DEPDC1: variants seen among roughly 807,000 people sequenced by gnomAD.
DEPDC1 encodes the protein DEP domain containing 1.
Under a neutral mutation model 86.8 loss-of-function variants are expected in DEPDC1, and 66 were observed. That is an observed-to-expected ratio of 0.76 (90% CI 0.62 to 0.93). The LOEUF is 0.93. DEPDC1 is among the 40% of genes least tolerant of loss of function. The probability of loss-of-function intolerance (pLI) is 0.00; values close to 1 mark genes in which losing one functional copy is unlikely to be tolerated. For synonymous variants in DEPDC1, 255 were observed against 314.9 expected (o/e 0.81, Z 2.02); for missense variants, 792 against 935.7 (o/e 0.85, Z 2.00).
chr1:68,478,446 AT>A (rs34245196), intron 10 of DEPDC1, among the ~76,000 whole-genome samples: 57,993 of 146,160 alleles, frequency 0.4, 11,722 homozygotes, highest in Middle Eastern at 0.62. Flanking sequence ...GTTTTCATGT[AT>A]TTTTTTTTTT....
chr1:68,497,047 AG>A lies in DEPDC1; in HGVS notation c.-49del, dbSNP rs3216768. ...GTCCATGGCGGCGAAGGCGACACTC[AG>A]GCCCAGCGGCCGCGGCAGTGGCGAG... On this transcript the variant is annotated 5_prime_UTR_variant, in exon 1 of 12. Coordinates refer to ENST00000456315, the MANE Select transcript of DEPDC1 (RefSeq NM_001114120.3). The A allele has an allele frequency of 2.6e-4, 417 of 1,601,828 alleles. 3 individuals are homozygous for A. In the East Asian group the frequency reaches 8.6e-3, roughly 33 times the overall value.
rs913344933 is a variant in DEPDC1, at chr1:68,495,866, G to T, written c.48+1086C>A. Among the ~76,000 whole-genome samples, 4 of 152,202 alleles carry T rather than the reference G, an allele frequency of 2.6e-5. No individual in the cohort carries two copies. The South Asian group carries it at 6.2e-4, about 24-fold the overall frequency. On this transcript the variant is annotated intron_variant, in intron 1 of 11. Coordinates refer to ENST00000456315, the MANE Select transcript of DEPDC1 (RefSeq NM_001114120.3). ...TGTAATATATGTGAAGTACTAGTAA[G>T]CATTCAGTGCATGTTTTCTTTTTCA...
chr1:68,487,347 C>A (rs1646199906), intron 5 of DEPDC1, among the ~76,000 whole-genome samples: 1 of 151,922 alleles, frequency 6.6e-6, no homozygotes, highest in Non-Finnish European at 1.5e-5. Flanking sequence ...TTCTATTCTG[C>A]CTATTGCTAT....
chr1:68,485,674 G>T (rs1184426012), intron 6 of DEPDC1, among the ~76,000 whole-genome samples: 2 of 152,152 alleles, frequency 1.3e-5, no homozygotes, highest in East Asian at 3.9e-4. Context: ...GCAAAGGAAT[G>T]AAAGAGAGGA....
rs1646100210 is a variant in DEPDC1, at chr1:68,474,279, A to G, written c.*2653T>C. The G allele has an allele frequency of 6.6e-6, 1 of 152,138 alleles. No homozygotes were observed. 9.4% of individuals were successfully genotyped at this position (152,138 alleles called of 1,614,324 possible). A position where few individuals can be genotyped will look rare whatever the true frequency, so the allele number is the denominator to read the frequency against. On this transcript the variant is annotated 3_prime_UTR_variant, in exon 12 of 12. Coordinates refer to ENST00000456315, the MANE Select transcript of DEPDC1 (RefSeq NM_001114120.3). ...AATATATTGCCTTTCTTTCACTACA[A>G]TCACAACTCAGTTAGGTAGATACTT...
chr1:68,496,718 C>T lies in DEPDC1; in HGVS notation c.48+234G>A. ...CTCATAGCGAGTCTGGTGCGGCCTA[C>T]GCGCGGCGCTTCCTTTCGGACCTGA... On this transcript the variant is annotated intron_variant, in intron 1 of 11. Coordinates refer to ENST00000456315, the MANE Select transcript of DEPDC1 (RefSeq NM_001114120.3). The surrounding 1 kb of genome is among the most constrained non-coding windows in gnomAD (Gnocchi z 4.0). 2.2e-6 allele frequency: 1 copy of T among 445,672 alleles called. No homozygotes were observed. Among genetic ancestry groups the T allele is most frequent in the Non-Finnish European group, 4.0e-6 (1 of 249,080 alleles). The allele number at this position is 445,672 out of a possible 1,614,324, so 27.6% of individuals were successfully genotyped here. A position where few individuals can be genotyped will look rare whatever the true frequency, so the allele number is the denominator to read the frequency against.
In DEPDC1 at chr1:68,475,221, A is replaced by G. The variant is rs2100234494; in HGVS notation, c.*1711T>C. On this transcript the variant is annotated 3_prime_UTR_variant, in exon 12 of 12. Transcript: ENST00000456315. ...GAGTTTGTTATTAAAGCATTGTACC[A>G]TGTATTTTGTAATCTCAATTGCATG... 6.6e-6 allele frequency: 1 copy of G among 152,050 alleles called. No individual in the cohort carries two copies. Among genetic ancestry groups the G allele is most frequent in the African/African-American group, 2.4e-5 (1 of 41,536 alleles). 9.4% of individuals were successfully genotyped at this position (152,050 alleles called of 1,614,324 possible).
intron 2 of DEPDC1, 78 bp downstream of exon 2, chr1:68,494,352 G>C (rs571800990): frequency 1.5e-6 from 2 of 1,291,340 alleles, no homozygotes; most frequent in Non-Finnish European, 2.1e-6. Context: ...AGAAGCTGCT[G>C]TTATAGTAAA....
Position 68,479,250 on chromosome 1 carries a change from C to T in DEPDC1, c.2006G>A (p.Gly669Glu). ...EEVDLDELLAGRLVSFLMDHH... is the reference protein window; with the variant it reads ...EEVDLDELLAERLVSFLMDHH... ...ATCCATTAAGAAAGAAACTAATCTT[C>T]CAGCAAGAAGCTCATCAAGATCCAC... The change falls in exon 10 of 12, where the codon GGA (glycine) becomes GAA (glutamate). Residue 669 changes from glycine to glutamate, a missense_variant. Transcript: ENST00000456315. 2 of 1,612,544 alleles carry T rather than the reference C, an allele frequency of 1.2e-6. No homozygotes were observed. Among genetic ancestry groups the T allele is most frequent in the East Asian group, 2.2e-5 (1 of 44,796 alleles).
rs374973337 is a variant in DEPDC1, at chr1:68,482,064, T to C, written c.1744A>G (p.Met582Val). ...SENSLLPASS[M>V]LTGTQSLLQP... Reference sequence around the variant, plus strand: ...GCCTTACTTTGTGTGCCAGTCAACATAGAAGAAGCTGGAAGTAAAGAATTT... The same window carrying C: ...GCCTTACTTTGTGTGCCAGTCAACACAGAAGAAGCTGGAAGTAAAGAATTT... Residue 582 changes from methionine (M) to valine (V), a missense_variant, in exon 8 of 12, where the codon ATG becomes GTG. Coordinates refer to ENST00000456315, the MANE Select transcript of DEPDC1 (RefSeq NM_001114120.3). 383 of 1,597,426 alleles carry C rather than the reference T, an allele frequency of 2.4e-4. 8 individuals carry two copies. In the South Asian group the frequency reaches 4.0e-3, roughly 17 times the overall value.
chr1:68,479,693 C>T (rs1250779500), intron 9 of DEPDC1, among the ~76,000 whole-genome samples: 1 of 151,598 alleles, frequency 6.6e-6, no homozygotes, highest in Non-Finnish European at 1.5e-5. Flanking sequence ...GTTCCAGCTA[C>T]TTGGGAGAGT....
In DEPDC1 at chr1:68,482,026, A is replaced by G. The variant is rs766125125; in HGVS notation, c.1762+20T>C. The stretch of plus-strand genomic sequence containing the variant: ...AACACTCAAAGTTAATATTGCATGC[A>G]TTGAAAGCAACAGCCTTACTTTGTG... On this transcript the variant is annotated intron_variant, in intron 8 of 11. Transcript: ENST00000456315. 1.3e-6 allele frequency: 2 copies of G among 1,546,288 alleles called. No individual in the cohort carries two copies. The highest frequency in any genetic ancestry group is 4.2e-5 in the Admixed American group (2 of 47,102).
chr1:68,489,630 A>C, intron 2 of DEPDC1, 22 bp from the exon 3 acceptor site: 1 of 1,509,064 alleles, frequency 6.6e-7, no homozygotes, highest in Non-Finnish European at 8.8e-7. Context: ...ACAATAAGCA[A>C]TTAAATAATG....
chr1:68,496,635 C>G lies in DEPDC1; in HGVS notation c.48+317G>C, dbSNP rs1646267331. 3.2e-6 allele frequency: 1 copy of G among 313,078 alleles called. No individual in the cohort carries two copies. 19.4% of individuals were successfully genotyped at this position (313,078 alleles called of 1,614,324 possible). ...AATCAGGCGAGGTGAGCGGCCAAAT[C>G]GGAATATTCTAAGACGCCCCCACGG... On this transcript the variant is annotated intron_variant, in intron 1 of 11. Coordinates refer to ENST00000456315, the MANE Select transcript of DEPDC1 (RefSeq NM_001114120.3). This position sits in a 1 kb window ranked among gnomAD's most constrained non-coding sequence, Gnocchi z 4.0.
rs1378844799 is a variant in DEPDC1 at position 68,488,488 on chromosome 1, C to A, written c.607G>T (p.Gly203Cys). The A allele has an allele frequency of 1.9e-6, 3 of 1,604,276 alleles. No homozygotes were observed. The highest frequency in any genetic ancestry group is 2.6e-6 in the Non-Finnish European group (3 of 1,176,426). Reference sequence around the variant, plus strand: ...ATGACTTCTTCTAGGGATGGCACACCTAAAATGGTTTGCAGGCTAAATAGA... The same window carrying A: ...ATGACTTCTTCTAGGGATGGCACACATAAAATGGTTTGCAGGCTAAATAGA... ...VILIYLQTIL[G>C]VPSLEEVINP... Residue 203 changes from glycine to cysteine, a missense_variant, in exon 5 of 12, where the codon GGT (glycine) becomes TGT (cysteine). Gly to Cys is a radical substitution (Grantham distance 159). Transcript: ENST00000456315.
At chr1:68,491,866 C>T (rs935143541) in intron 2 of DEPDC1, among the ~76,000 whole-genome samples, 3 of 151,722 alleles carry the variant, frequency 2.0e-5, no homozygotes, top group Admixed American at 6.6e-5. Context: ...CTCCCGGGCT[C>T]GGCCTCCCAA....
At chr1:68,491,817 GA>G (rs1646230654) in intron 2 of DEPDC1, among the ~76,000 whole-genome samples, 1 of 151,906 alleles carries the variant, frequency 6.6e-6, no homozygotes, top group Admixed American at 6.6e-5. Context: ...ACCCAGGATG[GA>G]GTGCAGTAGT....
intron 5 of DEPDC1, among the ~76,000 whole-genome samples, chr1:68,487,714 A>T (rs1229117647): frequency 6.6e-6 from 1 of 151,948 alleles, no homozygotes; most frequent in African/African-American, 2.4e-5. Flanking sequence ...ATGTCAGTTA[A>T]TTCCACAGAC....
chr1:68,494,490 A>G lies in DEPDC1; in HGVS notation c.254T>C (p.Ile85Thr). ...LLRKFLKNHV[I>T]EDIKGRWGSE... is the part of the protein sequence containing the mutation. The stretch of plus-strand genomic sequence containing the variant: ...TCCCCACCTCCCTTTGATATCTTCA[A>G]TTACATGATTCTTAAGAAATTTCCT... Residue 85 changes from isoleucine to threonine, a missense_variant, in exon 2 of 12, where the codon ATT becomes ACT. Physicochemically the swap from Ile to Thr is moderately conservative, Grantham distance 89. Coordinates refer to ENST00000456315, the MANE Select transcript of DEPDC1 (RefSeq NM_001114120.3). The G allele has an allele frequency of 6.2e-7, 1 of 1,613,754 alleles. No homozygotes were observed. The highest frequency in any genetic ancestry group is 8.5e-7 in the Non-Finnish European group (1 of 1,179,762).
Sources: allele counts gnomAD v4.1 joint callset (sites outside exome capture counted in the v4.1 genomes callset), GRCh38; gene constraint gnomAD v4.1.1; non-coding constraint Gnocchi (gnomAD v3.1); transcripts MANE v1.5; gene names NCBI Gene and HGNC (gene_info 2026-07-23, HGNC 2026-07-21).